The following NAV2 variants were observed in gnomAD, a reference collection of about 807,000 sequenced individuals.
NAV2 encodes the protein helicase, APC down-regulated 1.
A neutral mutation model predicts 223.2 loss-of-function variants in NAV2; 54 were observed. The ratio of observed to expected loss-of-function variants is 0.24; its 90% CI spans 0.19 to 0.30. The LOEUF is 0.30. Among genes scored for constraint, NAV2 ranks in the 10% least tolerant of loss-of-function variants. The probability of loss-of-function intolerance (pLI) is 1.00; values close to 1 mark genes in which losing one functional copy is unlikely to be tolerated. For missense variants in NAV2, 2,806 were observed against 3,147.5 expected (o/e 0.89, Z 2.60); for synonymous variants, 1,279 against 1,239.3 (o/e 1.03, Z -0.67).
chr11:19,940,087 T>G (rs1337541393), intron 8 of NAV2, among the ~76,000 whole-genome samples: 1 of 152,132 alleles, frequency 6.6e-6, no homozygotes, highest in Non-Finnish European at 1.5e-5. Context: ...GATACTTAAC[T>G]TTGAATCTTC....
At chr11:19,636,308 C>T (rs562300083) in intron 1 of NAV2, among the ~76,000 whole-genome samples, 4 of 152,116 alleles carry the variant, frequency 2.6e-5, no homozygotes, top group South Asian at 4.2e-4. Context: ...CCCTACAAAG[C>T]GGCTCTTGGT....
In NAV2 at chr11:20,076,151, A is replaced by G. The variant is rs376502891; in HGVS notation, c.4984-1401A>G. ...AATAGATATTGGTACCATTTCATAT[A>G]TGAAGCTGAGGCTGCTAGGATCAGG... On this transcript the variant is annotated intron_variant, in intron 22 of 37. Transcript: ENST00000349880. 9.3e-4 allele frequency among the ~76,000 whole-genome samples: 142 copies of G among 152,336 alleles called. No homozygotes were observed. The South Asian group carries it at 0.019, about 21-fold the overall frequency.
intron 3 of NAV2, among the ~76,000 whole-genome samples, chr11:19,857,701 C>T (rs2061477780): frequency 6.6e-6 from 1 of 152,100 alleles, no homozygotes; most frequent in African/African-American, 2.4e-5. Context: ...ATGTCCTCTT[C>T]TGTGGGTAAA....
chr11:20,108,811 T>G (rs1481773071), intron 36 of NAV2, among the ~76,000 whole-genome samples: 2 of 152,200 alleles, frequency 1.3e-5, no homozygotes, highest in African/African-American at 4.8e-5. Flanking sequence ...AGCTTACCAT[T>G]AATTTGGAAC....
chr11:20,039,270 C>T (rs1227442336), intron 12 of NAV2, among the ~76,000 whole-genome samples: 3 of 152,194 alleles, frequency 2.0e-5, no homozygotes, highest in African/African-American at 4.8e-5. Flanking sequence ...GCCTCCTCAT[C>T]CATAACATGG....
intron 1 of NAV2, among the ~76,000 whole-genome samples, chr11:19,586,540 C>G (rs182810068): frequency 1.6e-4 from 24 of 152,278 alleles, no homozygotes; most frequent in African/African-American, 3.4e-4. Context: ...ATGATGGTGA[C>G]GTACATATGG....
chr11:19,839,746 T>C (rs1352011129), intron 2 of NAV2, among the ~76,000 whole-genome samples: 6 of 152,236 alleles, frequency 3.9e-5, no homozygotes, highest in Non-Finnish European at 8.8e-5. Context: ...ACTGTTCTTA[T>C]TTTAAAAGTG....
At chr11:20,034,897 A>G (rs2056200667) in intron 11 of NAV2, among the ~76,000 whole-genome samples, 1 of 152,128 alleles carries the variant, frequency 6.6e-6, no homozygotes, top group South Asian at 2.1e-4. Flanking sequence ...GAAAGCCTCA[A>G]AGAGAGCAAT....
chr11:19,992,415 GT>G (rs1361081619), intron 11 of NAV2, among the ~76,000 whole-genome samples: 1 of 152,144 alleles, frequency 6.6e-6, no homozygotes, highest in Non-Finnish European at 1.5e-5. Context: ...TATCATTCTT[GT>G]GCATGCAGTG....
chr11:19,351,621 G>A (rs142295815), intron 1 of NAV2, among the ~76,000 whole-genome samples: 2 of 152,216 alleles, frequency 1.3e-5, no homozygotes, highest in East Asian at 3.9e-4. Context: ...AAAGGCAGAC[G>A]CGTTGTGGAG....
chr11:19,961,788 T>C lies in NAV2; in HGVS notation c.2645+12708T>C, dbSNP rs146653414. ...GCTCCTTTAGCCCTATTGGAGTTACTACATCTGCTTGCCTTTTTAGTCTTT... is the reference window on the plus strand; with the variant it reads ...GCTCCTTTAGCCCTATTGGAGTTACCACATCTGCTTGCCTTTTTAGTCTTT... On this transcript the variant is annotated intron_variant, in intron 10 of 37. Coordinates refer to ENST00000349880, the MANE Select transcript of NAV2 (RefSeq NM_145117.5). 5.4e-4 allele frequency among the ~76,000 whole-genome samples: 82 copies of C among 152,244 alleles called. No individual in the cohort carries two copies. The East Asian group carries it at 0.015, about 29-fold the overall frequency.
rs760353708 is a variant in NAV2, at chr11:19,934,270, C to T, written c.2026C>T (p.Leu676=). 1.9e-6 allele frequency: 3 copies of T among 1,588,494 alleles called. No individual in the cohort carries two copies. Among genetic ancestry groups the T allele is most frequent in the African/African-American group, 2.7e-5 (2 of 74,264 alleles). The change falls in exon 7 of 38, where the codon CTG becomes TTG. Residue 676 remains leucine, a synonymous_variant. Transcript: ENST00000349880. ...CAACACTGCCACGGTTGCACCTTTC[C>T]TGTACAGGTAGGAGCTGCCACCCAC... ...HPNTATVAPF[L]YRSQTDTEGN...
At chr11:19,347,226 G>C (rs886923356), upstream of NAV2, among the ~76,000 whole-genome samples, 2 of 152,166 alleles carry the variant, frequency 1.3e-5, no homozygotes, top group African/African-American at 4.8e-5. Context: ...ACCTAAGAAG[G>C]CCTGGCCTGT....
At chr11:19,935,694 C>T (rs1174017281) in intron 7 of NAV2, among the ~76,000 whole-genome samples, 4 of 151,868 alleles carry the variant, frequency 2.6e-5, no homozygotes, top group Non-Finnish European at 4.4e-5. Context: ...TGCTTGCATT[C>T]TCCTTCAGTG....
chr11:19,936,703 G>C (rs571262210), intron 7 of NAV2, among the ~76,000 whole-genome samples: 4 of 152,288 alleles, frequency 2.6e-5, no homozygotes, highest in African/African-American at 9.6e-5. Context: ...GGTATTGATC[G>C]AGTGTGGGTA....
intron 22 of NAV2, among the ~76,000 whole-genome samples, chr11:20,072,906 T>A (rs1420113463): frequency 1.3e-5 from 2 of 152,188 alleles, no homozygotes; most frequent in African/African-American, 4.8e-5. Flanking sequence ...CTTCCTGTTT[T>A]CCCAATTGAA....
intron 19 of NAV2, among the ~76,000 whole-genome samples, chr11:20,057,473 A>G (rs928682546): frequency 6.6e-6 from 1 of 152,156 alleles, no homozygotes. Flanking sequence ...TGAGTCACTG[A>G]GGGGCATTTG....
Position 19,879,960 on chromosome 11 carries a change from C to T in NAV2, c.603C>T (p.His201=), listed in dbSNP as rs371613686. The T allele has an allele frequency of 4.5e-5, 72 of 1,613,294 alleles. No individual in the cohort carries two copies. Among genetic ancestry groups the T allele is most frequent in the Non-Finnish European group, 5.9e-5 (70 of 1,179,892 alleles). The change falls in exon 5 of 38, where the codon CAC becomes CAT. Residue 201 remains histidine, a synonymous_variant. Coordinates refer to ENST00000349880, the MANE Select transcript of NAV2 (RefSeq NM_145117.5). ...KQQQQQPQKQ[H]LSSPLPPAVS... is the part of the protein sequence containing the mutation. ...AGCAGCAGCAGCCCCAGAAGCAGCA[C>T]CTCTCCTCACCTCTGCCGCCCGCCG...
chr11:19,941,630 G>A (rs914638331), intron 8 of NAV2, among the ~76,000 whole-genome samples: 1 of 151,994 alleles, frequency 6.6e-6, no homozygotes, highest in African/African-American at 2.4e-5. Context: ...GAGCCTTACA[G>A]TTGAGAAATG....
Sources: gnomAD v4.1 joint callset for allele counts (sites outside exome capture counted in the v4.1 genomes callset) on GRCh38, gnomAD v4.1.1 for gene constraint, MANE v1.5 for transcripts, NCBI Gene and HGNC (gene_info 2026-07-23, HGNC 2026-07-21) for gene names.